The following FARP1 variants were observed in gnomAD, a reference collection of about 807,000 sequenced individuals.
FARP1 encodes FERM, ARHGEF and pleckstrin domain-containing protein 1.
Under a neutral mutation model 128.8 loss-of-function variants are expected in FARP1, and 52 were observed. That is an observed-to-expected ratio of 0.40 (90% CI 0.32 to 0.51). FARP1 has a LOEUF of 0.51. Ranked by LOEUF, FARP1 falls within the 20% of genes least tolerant of loss-of-function variation. The probability of loss-of-function intolerance (pLI) is 0.45; values close to 1 mark genes in which losing one functional copy is unlikely to be tolerated. For missense variants in FARP1, 1,333 were observed against 1,367.9 expected, an observed-to-expected ratio of 0.97 and a Z score of 0.40; for synonymous variants, 580 against 551.8, an observed-to-expected ratio of 1.05 and a Z score of -0.72.
chr13:98,392,821 TTTTTTTCAGGAGG>T (rs1373819886), intron 11 of FARP1, among the ~76,000 whole-genome samples: 5 of 113,174 alleles, frequency 4.4e-5, no homozygotes, highest in East Asian at 2.9e-4. Context: ...GTTCAGGAGG[TTTTTTTCAGGAGG>T]TTTTTTTTTT....
chr13:98,306,863 T>C (rs1179534777), intron 2 of FARP1, among the ~76,000 whole-genome samples: 1 of 152,192 alleles, frequency 6.6e-6, no homozygotes, highest in Non-Finnish European at 1.5e-5. Flanking sequence ...CATACCACTC[T>C]TGGAAAAGAA....
chr13:98,448,360 G>A lies in FARP1; in HGVS notation c.*43G>A. ...TTCCGCAGTGGCTGCTTTCCTGGAA[G>A]ACGTTTCCTTTCTTCTGTATTAATG... On this transcript the variant is annotated 3_prime_UTR_variant, in exon 27 of 27. Transcript: ENST00000319562. 6.9e-7 allele frequency: 1 copy of A among 1,447,440 alleles called. No individual in the cohort carries two copies. The highest frequency in any genetic ancestry group is 9.7e-7 in the Non-Finnish European group (1 of 1,027,906). 89.7% of individuals were successfully genotyped at this position (1,447,440 alleles called of 1,614,324 possible).
chr13:98,431,098 G>A lies in FARP1; in HGVS notation c.1961G>A (p.Gly654Glu), dbSNP rs1265169369. 1 of 1,614,178 alleles carries A rather than the reference G, an allele frequency of 6.2e-7. No individual in the cohort carries two copies. The highest frequency in any genetic ancestry group is 8.5e-7 in the Non-Finnish European group (1 of 1,180,026). Reference protein sequence around the residue: ...HSEALEALENGIKSSRRLENF... With the variant: ...HSEALEALENEIKSSRRLENF... ...GAGGCCTTGGAGGCCCTGGAGAATG[G>A]AATCAAGAGCTCCCGGCGGCTGGAG... The change falls in exon 18 of 27, where the codon GGA becomes GAA. Residue 654 changes from glycine to glutamate, a missense_variant. Transcript: ENST00000319562.
chr13:98,423,644 C>T (rs1891674283), intron 16 of FARP1, among the ~76,000 whole-genome samples: 1 of 152,174 alleles, frequency 6.6e-6, no homozygotes, highest in Non-Finnish European at 1.5e-5. Flanking sequence ...CGAGTTCACA[C>T]CTCGTGATAA....
intron 2 of FARP1, among the ~76,000 whole-genome samples, chr13:98,336,961 T>C (rs1438258845): frequency 3.3e-5 from 5 of 152,212 alleles, no homozygotes; most frequent in Non-Finnish European, 5.9e-5. Flanking sequence ...AGGAGAACCC[T>C]TCAGGAATAT....
At chr13:98,202,909 G>C (rs1433422260) in intron 1 of FARP1, among the ~76,000 whole-genome samples, 1 of 151,864 alleles carries the variant, frequency 6.6e-6, no homozygotes, top group Non-Finnish European at 1.5e-5. Context: ...TTGTGGAGAC[G>C]GGGTTTTGCT....
chr13:98,439,625 G>A (rs1452062736), intron 21 of FARP1, among the ~76,000 whole-genome samples: 1 of 152,178 alleles, frequency 6.6e-6, no homozygotes, highest in African/African-American at 2.4e-5. Context: ...CCCCGAGTTG[G>A]TTTGGGGCTG....
At chr13:98,308,933 C>T (rs1303671381) in intron 2 of FARP1, among the ~76,000 whole-genome samples, 4 of 152,054 alleles carry the variant, frequency 2.6e-5, no homozygotes, top group Admixed American at 2.6e-4. Flanking sequence ...CCACCTCAGC[C>T]CCCCACCAAA....
chr13:98,326,222 C>T (rs572451139), intron 2 of FARP1, among the ~76,000 whole-genome samples: 30 of 152,322 alleles, frequency 2.0e-4, no homozygotes, highest in South Asian at 6.2e-4. Context: ...AATAAACCAG[C>T]CTGGCCTATA....
At chr13:98,382,639 A>G (rs1393860900) in intron 6 of FARP1, 1 of 152,118 alleles carries the variant, frequency 6.6e-6, no homozygotes, top group Non-Finnish European at 1.5e-5. Flanking sequence ...ATCAACACTC[A>G]TGCGCTTTCA....
chr13:98,256,948 GATAT>G (rs56701739), intron 2 of FARP1, among the ~76,000 whole-genome samples: 9,442 of 76,848 alleles, frequency 0.12, 1,438 homozygotes, highest in East Asian at 0.22. Context: ...TATATATGTG[GATAT>G]ATATATATAT....
rs1458028855 is a variant in FARP1 at position 98,431,278 on chromosome 13, G to A, written c.2141G>A (p.Arg714Gln). Residue 714 changes from arginine (R) to glutamine (Q), a missense_variant and splice_region_variant, in exon 18 of 27, where the codon CGA (arginine) becomes CAA (glutamine). Coordinates refer to ENST00000319562, the MANE Select transcript of FARP1 (RefSeq NM_005766.4). ...PPSHADFRDC[R>Q]AALAEITEMV... is the part of the protein sequence containing the mutation. ...AGCCACGCCGACTTCAGGGACTGCC[G>A]AGGTGAGTGCTGGGAGCCTGCGCCA... The A allele has an allele frequency of 1.9e-6, 3 of 1,582,258 alleles. No individual in the cohort carries two copies. The highest frequency in any genetic ancestry group is 1.3e-5 in the African/African-American group (1 of 74,278).
intron 3 of FARP1, among the ~76,000 whole-genome samples, chr13:98,349,823 G>A (rs1188736245): frequency 6.6e-6 from 1 of 152,054 alleles, no homozygotes; most frequent in African/African-American, 2.4e-5. Flanking sequence ...TAGGAGAAAA[G>A]CTTTGTCAAT....
chr13:98,185,683 T>C (rs1460858175), intron 1 of FARP1, among the ~76,000 whole-genome samples: 2 of 151,086 alleles, frequency 1.3e-5, no homozygotes, highest in African/African-American at 4.9e-5. Context: ...AAAATATGCA[T>C]AAAATTTGAT....
rs146653791 is a variant in FARP1 at position 98,320,697 on chromosome 13, C to G, written c.172-23065C>G. On this transcript the variant is annotated intron_variant, in intron 2 of 26. Transcript: ENST00000319562. ...TTTAAAGCATTTATTCTGAACACCT[C>G]CAACAATGGTATCTTCAACAGTGAT... Among the ~76,000 whole-genome samples the G allele has an allele frequency of 1.5e-3, 235 of 152,316 alleles. 1 individual carries two copies. Among genetic ancestry groups the G allele is most frequent in the African/African-American group, 5.1e-3 (210 of 41,570 alleles).
In FARP1 at chr13:98,184,337, C is replaced by T. The variant is rs533486523; in HGVS notation, c.-23-28883C>T. On this transcript the variant is annotated intron_variant, in intron 1 of 26. Coordinates refer to ENST00000319562, the MANE Select transcript of FARP1 (RefSeq NM_005766.4). ...TTCACCGTGTTGGCCAGGCTGCTTT[C>T]GAACTCGTGACTTCAGGTGATCCAC... is the stretch of plus-strand genomic sequence containing the variant. Among the ~76,000 whole-genome samples the T allele has an allele frequency of 1.5e-3, 222 of 152,204 alleles. 3 individuals carry two copies. The highest frequency in any genetic ancestry group is 4.5e-3 in the African/African-American group (188 of 41,526).
chr13:98,416,776 G>C (rs1054607557), intron 16 of FARP1, among the ~76,000 whole-genome samples: 6 of 152,168 alleles, frequency 3.9e-5, no homozygotes, highest in Admixed American at 2.0e-4. Context: ...CAGGTGGAAG[G>C]CCTGCTTTGC....
intron 3 of FARP1, among the ~76,000 whole-genome samples, chr13:98,359,360 A>ATTTTTAATAAG (rs1888770046): frequency 6.6e-6 from 1 of 152,192 alleles, no homozygotes; most frequent in Non-Finnish European, 1.5e-5. Context: ...CAAATAACTG[A>ATTTTTAATAAG]TTATCTTTTA....
intron 8 of FARP1, among the ~76,000 whole-genome samples, chr13:98,387,787 G>A (rs1490130003): frequency 2.6e-5 from 4 of 152,256 alleles, no homozygotes; most frequent in Non-Finnish European, 4.4e-5. Context: ...GCTGTTGGAA[G>A]CTTGATGGGC....
Sources: allele counts gnomAD v4.1 joint callset (sites outside exome capture counted in the v4.1 genomes callset), GRCh38; gene constraint gnomAD v4.1.1; transcripts MANE v1.5; gene names NCBI Gene and HGNC (gene_info 2026-07-23, HGNC 2026-07-21).